TENM4: variants seen among roughly 807,000 people sequenced by gnomAD.
TENM4 encodes teneurin transmembrane protein 4.
A neutral mutation model predicts 243.3 loss-of-function variants in TENM4; 82 were observed. The ratio of observed to expected loss-of-function variants is 0.34; its 90% confidence interval spans 0.28 to 0.40. The LOEUF (loss-of-function observed/expected upper bound fraction) is 0.40, where lower values mean the gene tolerates loss of function less well. Ranked by LOEUF, TENM4 falls within the 10% of genes least tolerant of loss-of-function variation. The pLI, the probability that TENM4 is intolerant of heterozygous loss-of-function variation, is 1.00. For missense variants in TENM4, 3,138 were observed against 3,673.3 expected (o/e 0.85, Z 3.77); for synonymous variants, 1,412 against 1,456.3 (o/e 0.97, Z 0.69).
In TENM4 at chr11:79,252,838, C is replaced by A. The variant is rs541081472; in HGVS notation, c.-264-36929G>T. On this transcript the variant is annotated intron_variant, in intron 2 of 33. Transcript: ENST00000278550. Reference sequence around the variant, plus strand: ...ATCCACCTGCTGATTGGAGTTAAACCCCCCAGAGCCCAGTTTAGATCAGCT... The same window carrying A: ...ATCCACCTGCTGATTGGAGTTAAACACCCCAGAGCCCAGTTTAGATCAGCT... 4.6e-5 allele frequency among the ~76,000 whole-genome samples: 7 copies of A among 152,230 alleles called. No individual in the cohort carries two copies. The East Asian group carries it at 1.4e-3, about 29-fold the overall frequency.
At chr11:79,048,816 C>A (rs1450655202) in intron 6 of TENM4, among the ~76,000 whole-genome samples, 5 of 152,162 alleles carry the variant, frequency 3.3e-5, no homozygotes, top group Non-Finnish European at 7.3e-5. Context: ...TCTTTTGCCA[C>A]TGGAACTCCT....
intron 4 of TENM4, among the ~76,000 whole-genome samples, chr11:79,106,327 G>A (rs940729529): frequency 1.3e-5 from 2 of 152,212 alleles, no homozygotes; most frequent in African/African-American, 4.8e-5. Flanking sequence ...ATACCCTCTG[G>A]GAGGAAGCCC....
intron 7 of TENM4, among the ~76,000 whole-genome samples, chr11:78,896,606 T>C (rs1338547586): frequency 2.0e-5 from 3 of 152,128 alleles, no homozygotes; most frequent in Non-Finnish European, 2.9e-5. Context: ...TTGAGCCAAC[T>C]ACTTGCCATC....
In TENM4 at chr11:79,238,136, G is replaced by A. The variant is rs562392921; in HGVS notation, c.-264-22227C>T. Among the ~76,000 whole-genome samples, 10 of 152,256 alleles carry A rather than the reference G, an allele frequency of 6.6e-5. No homozygotes were observed. The South Asian group carries it at 1.2e-3, about 19-fold the overall frequency. ...TCCCCGCAGATTAATATGCACTCAC[G>A]GTTTGGGAGTGCTGTCTGAATTGTA... On this transcript the variant is annotated intron_variant, in intron 2 of 33. Coordinates refer to ENST00000278550, the MANE Select transcript of TENM4 (RefSeq NM_001098816.3).
chr11:79,421,824 A>G (rs1858938353), intron 1 of TENM4, among the ~76,000 whole-genome samples: 1 of 152,184 alleles, frequency 6.6e-6, no homozygotes, highest in South Asian at 2.1e-4. Context: ...TTAAAAGTCT[A>G]TGATGGACTT....
intron 3 of TENM4, among the ~76,000 whole-genome samples, chr11:79,160,444 G>A (rs1287848257): frequency 1.3e-5 from 2 of 152,118 alleles, no homozygotes; most frequent in African/African-American, 2.4e-5. Flanking sequence ...CAGAGCTCGG[G>A]GGACTTGGGG....
At chr11:79,419,403 A>G (rs1350443317) in intron 1 of TENM4, among the ~76,000 whole-genome samples, 2 of 152,112 alleles carry the variant, frequency 1.3e-5, no homozygotes, top group Non-Finnish European at 2.9e-5. Flanking sequence ...CATGTTCCCA[A>G]TGGCACCCTT....
At chr11:78,985,652 G>T (rs1192305657) in intron 6 of TENM4, among the ~76,000 whole-genome samples, 1 of 152,142 alleles carries the variant, frequency 6.6e-6, no homozygotes. Context: ...AGGGCTTTCT[G>T]TACGTTAAAG....
chr11:78,671,621 C>T (rs575630187), intron 31 of TENM4, among the ~76,000 whole-genome samples: 7 of 152,174 alleles, frequency 4.6e-5, no homozygotes, highest in Non-Finnish European at 8.8e-5. Context: ...AAGGCCATGC[C>T]CAGCACTTGA....
At chr11:78,899,234 G>A (rs1265742195) in intron 7 of TENM4, among the ~76,000 whole-genome samples, 1 of 152,074 alleles carries the variant, frequency 6.6e-6, no homozygotes, top group Non-Finnish European at 1.5e-5. Context: ...AAGCCTATTT[G>A]GAGAGGCCCT....
intron 1 of TENM4, among the ~76,000 whole-genome samples, chr11:79,367,628 T>G (rs1857701998): frequency 1.3e-5 from 2 of 152,234 alleles, no homozygotes; most frequent in Admixed American, 6.5e-5. Flanking sequence ...CTTGGCAATA[T>G]GAAGGAGCTT....
At chr11:78,829,456 G>C (rs946951920) in intron 12 of TENM4, among the ~76,000 whole-genome samples, 1 of 152,110 alleles carries the variant, frequency 6.6e-6, no homozygotes, top group Non-Finnish European at 1.5e-5. Context: ...ATAATGCATG[G>C]GAGGCATTTA....
At chr11:78,724,478 G>C (rs1380587285) in intron 23 of TENM4, among the ~76,000 whole-genome samples, 3 of 152,114 alleles carry the variant, frequency 2.0e-5, no homozygotes, top group Non-Finnish European at 4.4e-5. Flanking sequence ...TTTATATATA[G>C]TGTGAAGTGA....
In TENM4 at chr11:78,878,034, C is replaced by T. The variant is rs770395331; in HGVS notation, c.1084+11751G>A. The stretch of plus-strand genomic sequence containing the variant: ...CCCGTGCCGGCTATGTTTCAGCAGC[C>T]GCCTCTGGCTTTGTCTCCTCTGGTT... On this transcript the variant is annotated intron_variant, in intron 9 of 33. Transcript: ENST00000278550. Among the ~76,000 whole-genome samples, 5 of 152,172 alleles carry T rather than the reference C, an allele frequency of 3.3e-5. No homozygotes were observed. In the South Asian group the frequency reaches 6.2e-4, roughly 19 times the overall value.
At chr11:79,392,411 T>C (rs1466477627) in intron 1 of TENM4, among the ~76,000 whole-genome samples, 1 of 152,202 alleles carries the variant, frequency 6.6e-6, no homozygotes, top group Non-Finnish European at 1.5e-5. Context: ...GGCATTGAAG[T>C]GACAGGTTAC....
intron 3 of TENM4, among the ~76,000 whole-genome samples, chr11:79,186,169 A>G (rs185047615): frequency 6.6e-5 from 10 of 152,316 alleles, no homozygotes; most frequent in Admixed American, 6.5e-4. Context: ...TAATATTCCT[A>G]TATCTTGGAT....
intron 2 of TENM4, among the ~76,000 whole-genome samples, chr11:79,279,356 G>C (rs1856115509): frequency 6.6e-6 from 1 of 152,186 alleles, no homozygotes; most frequent in Non-Finnish European, 1.5e-5. Flanking sequence ...TGGTGTTAAG[G>C]AGAGAGGCAG....
chr11:78,733,973 G>C (rs1343251563), intron 20 of TENM4, among the ~76,000 whole-genome samples: 1 of 152,170 alleles, frequency 6.6e-6, no homozygotes, highest in Non-Finnish European at 1.5e-5. Flanking sequence ...CGGATCACCT[G>C]AGATCAGGAG....
At chr11:79,310,062 G>A (rs547789320) in intron 1 of TENM4, among the ~76,000 whole-genome samples, 5 of 152,134 alleles carry the variant, frequency 3.3e-5, no homozygotes, top group South Asian at 2.1e-4. Flanking sequence ...TACCACTGTC[G>A]GTGTGTCTGC....
Sources: gnomAD v4.1 joint callset for allele counts (sites outside exome capture counted in the v4.1 genomes callset) on GRCh38, gnomAD v4.1.1 for gene constraint, MANE v1.5 for transcripts, NCBI Gene and HGNC (gene_info 2026-07-23, HGNC 2026-07-21) for gene names.